The following PCYT1A variants were observed in gnomAD, a reference collection of about 807,000 sequenced individuals.
The protein encoded by PCYT1A is phosphate cytidylyltransferase 1A, choline.
In PCYT1A, 25 loss-of-function variants were observed where a neutral mutation model predicts 43.7. The ratio of observed to expected loss-of-function variants is 0.57; its 90% CI spans 0.42 to 0.80. The LOEUF is 0.80. Among genes scored for constraint, PCYT1A ranks in the 30% least tolerant of loss-of-function variants. The pLI, the probability that PCYT1A is intolerant of heterozygous loss-of-function variation, is 0.00. For synonymous variants in PCYT1A, 172 were observed against 170.7 expected, an observed-to-expected ratio of 1.01 and a Z score of -0.06; for missense variants, 421 against 474.2, an observed-to-expected ratio of 0.89 and a Z score of 1.04.
chr3:196,256,597 T>C (rs951186736), intron 3 of PCYT1A, among the ~76,000 whole-genome samples: 31 of 152,140 alleles, frequency 2.0e-4, no homozygotes, highest in African/African-American at 7.5e-4. Flanking sequence ...TGGAGTACAG[T>C]GGCATGATCT....
rs1415070950 is a variant in PCYT1A, at chr3:196,236,060, G to A, written c.*2628C>T. 6.6e-6 allele frequency: 1 copy of A among 152,188 alleles called. No homozygotes were observed. The highest frequency in any genetic ancestry group is 2.4e-5 in the African/African-American group (1 of 41,444). The allele number at this position is 152,188 out of a possible 1,614,324, so 9.4% of individuals were successfully genotyped here. On this transcript the variant is annotated 3_prime_UTR_variant, in exon 9 of 9. Transcript: ENST00000431016. ...AAGGGAGTTTCCCAATAACATGTAC[G>A]TTTGCTGGCCCTAGCAGTCTCAGAG...
chr3:196,247,388 G>A lies in PCYT1A; in HGVS notation c.465C>T (p.Pro155=), dbSNP rs143034003. 60 of 1,614,106 alleles carry A rather than the reference G, an allele frequency of 3.7e-5. No homozygotes were observed. Among genetic ancestry groups the A allele is most frequent in the South Asian group, 6.6e-5 (6 of 91,076 alleles). The change falls in exon 5 of 9, where the codon CCC becomes CCT. Residue 155 remains proline (P), a synonymous_variant. Transcript: ENST00000431016. The surrounding 1 kb of genome is among the most constrained non-coding windows in gnomAD (Gnocchi z 4.8). ...TTACCCGGTGTTCGGCCAGGAACTCGGGTGTCAGCGTCCAGGGCGCATTCC... is the reference window on the plus strand; with the variant it reads ...TTACCCGGTGTTCGGCCAGGAACTCAGGTGTCAGCGTCCAGGGCGCATTCC... ...VVRNAPWTLT[P]EFLAEHRIDF...
At chr3:196,240,287 T>A (rs1351677458) in intron 7 of PCYT1A, among the ~76,000 whole-genome samples, 1 of 152,248 alleles carries the variant, frequency 6.6e-6, no homozygotes, top group Non-Finnish European at 1.5e-5. Context: ...GTCCATTTAC[T>A]CATTTGCAAA....
rs1724621045 is a variant in PCYT1A at position 196,247,940 on chromosome 3, G to A, written c.334+267C>T. 3.9e-6 allele frequency: 2 copies of A among 518,444 alleles called. No individual in the cohort carries two copies. The highest frequency in any genetic ancestry group is 7.0e-6 in the Non-Finnish European group (2 of 286,696). 32.1% of individuals were successfully genotyped at this position (518,444 alleles called of 1,614,324 possible). ...AAATCTAAAGCAAATGTTTTAAAGT[G>A]GACAACGGAAGTCACGGCTGCTCCT... On this transcript the variant is annotated intron_variant, in intron 4 of 8. Transcript: ENST00000431016. This position sits in a 1 kb window ranked among gnomAD's most constrained non-coding sequence, Gnocchi z 4.8.
At chr3:196,256,137 TG>T (rs1285935958) in intron 3 of PCYT1A, among the ~76,000 whole-genome samples, 1 of 152,236 alleles carries the variant, frequency 6.6e-6, no homozygotes, top group Non-Finnish European at 1.5e-5. Context: ...GCCTCTTTTT[TG>T]TTGAGGACCC....
At chr3:196,270,582 T>C (rs780946176) in intron 1 of PCYT1A, 41 bp from the exon 2 acceptor site, 1 of 1,342,840 alleles carries the variant, frequency 7.4e-7, no homozygotes, top group Non-Finnish European at 1.1e-6. Flanking sequence ...CTCATTGGGG[T>C]GGGAAAAAGT....
chr3:196,246,235 C>G (rs1724565335), intron 5 of PCYT1A, among the ~76,000 whole-genome samples: 1 of 152,216 alleles, frequency 6.6e-6, no homozygotes, highest in Non-Finnish European at 1.5e-5. Context: ...AGCACTTTGG[C>G]TGCCTTCATT....
rs1724171466 is a variant in PCYT1A, at chr3:196,236,580, C to G, written c.*2108G>C. 6.6e-6 allele frequency: 1 copy of G among 152,194 alleles called. No individual in the cohort carries two copies. The highest frequency in any genetic ancestry group is 1.9e-4 in the East Asian group (1 of 5,196). 9.4% of individuals were successfully genotyped at this position (152,194 alleles called of 1,614,324 possible). A position where few individuals can be genotyped will look rare whatever the true frequency, so the allele number is the denominator to read the frequency against. On this transcript the variant is annotated 3_prime_UTR_variant, in exon 9 of 9. Coordinates refer to ENST00000431016, the MANE Select transcript of PCYT1A (RefSeq NM_001312673.2). Reference sequence around the variant, plus strand: ...CAGGATAACAAGAGGCTTCATTCTCCCTCGCCTCTGTGACGCTCTTTCTGG... The same window carrying G: ...CAGGATAACAAGAGGCTTCATTCTCGCTCGCCTCTGTGACGCTCTTTCTGG...
chr3:196,241,145 A>C (rs965891535), intron 7 of PCYT1A, among the ~76,000 whole-genome samples: 8 of 147,438 alleles, frequency 5.4e-5, no homozygotes, highest in African/African-American at 1.5e-4. Flanking sequence ...AAAAAAAAAA[A>C]AAAAAAAAAA....
chr3:196,249,313 A>T (rs1259084623), intron 3 of PCYT1A, among the ~76,000 whole-genome samples: 1 of 125,796 alleles, frequency 7.9e-6, no homozygotes, highest in Non-Finnish European at 1.6e-5. Flanking sequence ...TGCCCAGCTA[A>T]TTTTTTTTTT....
rs1724290045 is a variant in PCYT1A, at chr3:196,239,598, G to A, written c.846C>T (p.Ser282=). ...CCAGAAAACTTCCAATGAATTCTCG[G>A]GACTTCTCCTCCCACTTCTGAATGA... ...IDLIQKWEEK[S]REFIGSFLEM... Residue 282 remains serine (S), a synonymous_variant, in exon 8 of 9, where the codon TCC becomes TCT. Transcript: ENST00000431016. 6.2e-7 allele frequency: 1 copy of A among 1,613,080 alleles called. No individual in the cohort carries two copies. Among genetic ancestry groups the A allele is most frequent in the South Asian group, 1.1e-5 (1 of 91,044 alleles).
chr3:196,255,569 C>A (rs1007490426), intron 3 of PCYT1A, among the ~76,000 whole-genome samples: 1 of 152,190 alleles, frequency 6.6e-6, no homozygotes, highest in Non-Finnish European at 1.5e-5. Flanking sequence ...TGGCTCACTC[C>A]TGTAATCCCA....
At chr3:196,241,611 C>A (rs761275134) in intron 7 of PCYT1A, 1 of 1,318,938 alleles carries the variant, frequency 7.6e-7, no homozygotes, top group Admixed American at 2.3e-5. Context: ...GGGCTCATAG[C>A]CTTTCGCAGG....
rs144403921 is a variant in PCYT1A, at chr3:196,238,813, C to G, written c.979G>C (p.Glu327Gln). ...KQSPSSSPTR[E>Q]RSPSPSFRWP... Reference sequence around the variant, plus strand: ...CGGAAAGAGGGGGAGGGGGAGCGCTCGCGAGTAGGGCTGCTGCTGGGGCTC... The same window carrying G: ...CGGAAAGAGGGGGAGGGGGAGCGCTGGCGAGTAGGGCTGCTGCTGGGGCTC... The change falls in exon 9 of 9, where the codon GAG becomes CAG. Residue 327 changes from glutamate to glutamine, a missense_variant. Transcript: ENST00000431016. 6 of 1,575,562 alleles carry G rather than the reference C, an allele frequency of 3.8e-6. No individual in the cohort carries two copies. The highest frequency in any genetic ancestry group is 2.8e-5 in the African/African-American group (2 of 72,606).
At position 196,287,709 on chromosome 3, in the gene PCYT1A, C is replaced by A. The variant is rs1031001900; in HGVS notation, c.-105G>T. 6.6e-6 allele frequency: 1 copy of A among 152,234 alleles called. No homozygotes were observed. The highest frequency in any genetic ancestry group is 1.5e-5 in the Non-Finnish European group (1 of 68,100). The allele number at this position is 152,234 out of a possible 1,614,324, so 9.4% of individuals were successfully genotyped here. On this transcript the variant is annotated 5_prime_UTR_variant, in exon 1 of 9. Coordinates refer to ENST00000431016, the MANE Select transcript of PCYT1A (RefSeq NM_001312673.2). The stretch of plus-strand genomic sequence containing the variant: ...AGTTGAGGAGGTTGCGGGGAGACGC[C>A]CGGGGAAGGCAGCTGATGGAAGAGC...
At position 196,238,367 on chromosome 3, in the gene PCYT1A, G is replaced by A. The variant is rs184348846; in HGVS notation, c.*321C>T. The A allele has an allele frequency of 7.7e-5, 15 of 195,992 alleles. No homozygotes were observed. Among genetic ancestry groups the A allele is most frequent in the South Asian group, 1.9e-4 (1 of 5,274 alleles). The allele number at this position is 195,992 out of a possible 1,614,324, so 12.1% of individuals were successfully genotyped here. ...AAAATTAGTTCTACATTTGAAAGAC[G>A]AATTTTTTAAAAAATTAATGAAAAT... On this transcript the variant is annotated 3_prime_UTR_variant, in exon 9 of 9. Transcript: ENST00000431016.
intron 3 of PCYT1A, among the ~76,000 whole-genome samples, chr3:196,254,015 TATAG>T (rs944903689): frequency 3.6e-4 from 54 of 149,864 alleles, no homozygotes; most frequent in Middle Eastern, 3.5e-3. Context: ...ATATATGTTA[TATAG>T]ATAGATAGAT....
intron 5 of PCYT1A, among the ~76,000 whole-genome samples, chr3:196,246,523 A>G (rs766042329): frequency 2.6e-4 from 39 of 152,108 alleles, no homozygotes; most frequent in African/African-American, 9.4e-4. Flanking sequence ...GGCGTGAGCC[A>G]CTGCACCTGG....
At chr3:196,274,755 T>G (rs1374426563) in intron 1 of PCYT1A, among the ~76,000 whole-genome samples, 1 of 152,172 alleles carries the variant, frequency 6.6e-6, no homozygotes, top group Non-Finnish European at 1.5e-5. Flanking sequence ...TATGACAAGA[T>G]CTACAAGAAA....
Sources: allele counts gnomAD v4.1 joint callset (sites outside exome capture counted in the v4.1 genomes callset), GRCh38; gene constraint gnomAD v4.1.1; non-coding constraint Gnocchi (gnomAD v3.1); transcripts MANE v1.5; gene names NCBI Gene and HGNC (gene_info 2026-07-23, HGNC 2026-07-21).